GMDS: variants seen among roughly 807,000 people sequenced by gnomAD.
GMDS encodes the protein GDP-mannose 4,6 dehydratase.
In GMDS, 20 loss-of-function variants were observed where a neutral mutation model predicts 49.9. The ratio of observed to expected loss-of-function variants is 0.40; its 90% CI spans 0.28 to 0.58. GMDS has a LOEUF of 0.58. Among genes scored for constraint, GMDS ranks in the 20% least tolerant of loss-of-function variants. The pLI is 0.42. For synonymous variants in GMDS, 177 were observed against 178.6 expected, an observed-to-expected ratio of 0.99 and a Z score of 0.07; for missense variants, 362 against 481.4, an observed-to-expected ratio of 0.75 and a Z score of 2.32.
At chr6:2,043,342 AG>A (rs1198350726) in intron 4 of GMDS, 1 of 152,248 alleles carries the variant, frequency 6.6e-6, no homozygotes, top group Non-Finnish European at 1.5e-5. Context: ...ATACCTCATA[AG>A]ATCCTAGTTG....
chr6:1,879,059 G>A (rs781223892), intron 7 of GMDS, among the ~76,000 whole-genome samples: 17 of 151,938 alleles, frequency 1.1e-4, no homozygotes, highest in Admixed American at 7.2e-4. Flanking sequence ...CCTAATGGCT[G>A]GTATTTTTCA....
intron 4 of GMDS, among the ~76,000 whole-genome samples, chr6:2,073,237 G>T (rs1252384540): frequency 1.3e-5 from 2 of 152,166 alleles, no homozygotes; most frequent in African/African-American, 4.8e-5. Context: ...CATCATCGTG[G>T]CATCCTGGAA....
intron 7 of GMDS, among the ~76,000 whole-genome samples, chr6:1,827,621 G>A (rs981656916): frequency 1.3e-5 from 2 of 152,146 alleles, no homozygotes; most frequent in African/African-American, 2.4e-5. Context: ...AGCTTCCAAG[G>A]GATTCAAAAG....
chr6:2,066,508 G>A (rs961239133), intron 4 of GMDS, among the ~76,000 whole-genome samples: 8 of 151,788 alleles, frequency 5.3e-5, no homozygotes, highest in Non-Finnish European at 8.8e-5. Flanking sequence ...TCAGTGTGCT[G>A]TATTCAGGAA....
At chr6:1,927,430 G>C (rs1581374990) in intron 7 of GMDS, among the ~76,000 whole-genome samples, 1 of 152,274 alleles carries the variant, frequency 6.6e-6, no homozygotes, top group South Asian at 2.1e-4. Context: ...TTTACTCAGA[G>C]GGTAGCGTGC....
At chr6:1,696,138 G>A (rs1033256401) in intron 9 of GMDS, among the ~76,000 whole-genome samples, 2 of 152,114 alleles carry the variant, frequency 1.3e-5, no homozygotes, top group East Asian at 1.9e-4. Context: ...TCTTGGCTCA[G>A]TGCTCCAGGG....
intron 1 of GMDS, among the ~76,000 whole-genome samples, chr6:2,145,225 C>G (rs148486125): frequency 6.6e-6 from 1 of 152,172 alleles, no homozygotes; most frequent in South Asian, 2.1e-4. Flanking sequence ...CCAAACGTAT[C>G]TAAGAAGCCT....
At chr6:2,199,200 C>T (rs750807786) in intron 1 of GMDS, among the ~76,000 whole-genome samples, 2 of 152,144 alleles carry the variant, frequency 1.3e-5, no homozygotes, top group African/African-American at 4.8e-5. Context: ...GTCCACAATA[C>T]ATGGTGGTGT....
At chr6:2,011,743 A>G (rs1378271941) in intron 4 of GMDS, among the ~76,000 whole-genome samples, 1 of 152,184 alleles carries the variant, frequency 6.6e-6, no homozygotes, top group Non-Finnish European at 1.5e-5. Flanking sequence ...AATGACACTC[A>G]GTCTCTAGAA....
At chr6:1,944,039 T>C (rs1283814794) in intron 6 of GMDS, among the ~76,000 whole-genome samples, 1 of 152,246 alleles carries the variant, frequency 6.6e-6, no homozygotes, top group Non-Finnish European at 1.5e-5. Flanking sequence ...TCGTTCCACA[T>C]CATGTTTGGG....
intron 9 of GMDS, among the ~76,000 whole-genome samples, chr6:1,694,668 C>G (rs1581468774): frequency 6.6e-6 from 1 of 152,284 alleles, no homozygotes; most frequent in Admixed American, 6.5e-5. Context: ...AGTAGCATAG[C>G]AAGAGGTGGA....
chr6:1,657,545 G>A (rs1369268257), intron 9 of GMDS, among the ~76,000 whole-genome samples: 1 of 152,180 alleles, frequency 6.6e-6, no homozygotes, highest in African/African-American at 2.4e-5. Flanking sequence ...ATGCTTTCAA[G>A]CAGGACACTG....
At chr6:1,757,328 TC>T (rs1767986403) in intron 7 of GMDS, among the ~76,000 whole-genome samples, 1 of 152,196 alleles carries the variant, frequency 6.6e-6, no homozygotes, top group African/African-American at 2.4e-5. Context: ...AGTGGTTGTT[TC>T]CTGGAGCGTG....
chr6:1,952,033 T>C lies in GMDS; in HGVS notation c.643+7834A>G, dbSNP rs1290491612. Reference sequence around the variant, plus strand: ...TCCACAAATATGTACAATATTTACATGACTTCTCCTAGGATTATTTCTGGT... The same window carrying C: ...TCCACAAATATGTACAATATTTACACGACTTCTCCTAGGATTATTTCTGGT... On this transcript the variant is annotated intron_variant, in intron 6 of 10. Coordinates refer to ENST00000380815, the MANE Select transcript of GMDS (RefSeq NM_001500.4). 6.2e-6 allele frequency: 6 copies of C among 969,716 alleles called. No individual in the cohort carries two copies. The South Asian group carries it at 1.4e-4, about 23-fold the overall frequency. 60.1% of individuals were successfully genotyped at this position (969,716 alleles called of 1,614,324 possible).
At chr6:2,177,243 T>C (rs1441628699) in intron 1 of GMDS, among the ~76,000 whole-genome samples, 1 of 152,114 alleles carries the variant, frequency 6.6e-6, no homozygotes, top group African/African-American at 2.4e-5. Flanking sequence ...TTAAAGCAGA[T>C]GGGTCTGCAG....
chr6:1,913,147 C>T (rs998551199), intron 7 of GMDS, among the ~76,000 whole-genome samples: 3 of 151,858 alleles, frequency 2.0e-5, no homozygotes, highest in East Asian at 3.9e-4. Flanking sequence ...TTTGGGAGGC[C>T]GAGGCGGGCG....
intron 7 of GMDS, among the ~76,000 whole-genome samples, chr6:1,839,903 C>T (rs1267870489): frequency 6.6e-6 from 1 of 152,188 alleles, no homozygotes; most frequent in Non-Finnish European, 1.5e-5. Context: ...CCAGTTTCGT[C>T]TTCGGCTCGC....
At chr6:1,912,005 A>G (rs956085282) in intron 7 of GMDS, among the ~76,000 whole-genome samples, 2 of 152,186 alleles carry the variant, frequency 1.3e-5, no homozygotes, top group African/African-American at 2.4e-5. Flanking sequence ...ACTTTTTCAA[A>G]CTAAGGAGAA....
chr6:2,240,164 A>G (rs1486832943), intron 1 of GMDS, among the ~76,000 whole-genome samples: 2 of 152,376 alleles, frequency 1.3e-5, no homozygotes, highest in East Asian at 3.9e-4. Context: ...TTGGCCTCCC[A>G]GTACTTTATA....
Sources: gnomAD v4.1 joint callset for allele counts (sites outside exome capture counted in the v4.1 genomes callset) on GRCh38, gnomAD v4.1.1 for gene constraint, MANE v1.5 for transcripts, NCBI Gene and HGNC (gene_info 2026-07-23, HGNC 2026-07-21) for gene names.